The following PAPPA variants were observed in gnomAD, a reference collection of about 807,000 sequenced individuals.
The protein encoded by PAPPA is pappalysin 1, also known as pappalysin-1.
PAPPA carries 60 observed loss-of-function variants against 164.0 expected under a neutral mutation model. The ratio of observed to expected loss-of-function variants is 0.37; its 90% confidence interval spans 0.30 to 0.45. The LOEUF (loss-of-function observed/expected upper bound fraction) is 0.45. Ranked by LOEUF, PAPPA falls within the 20% of genes least tolerant of loss-of-function variation. PAPPA has a pLI of 1.00. For missense variants in PAPPA, 1,782 were observed against 2,087.3 expected (o/e 0.85, Z 2.85); for synonymous variants, 875 against 814.1 (o/e 1.07, Z -1.27).
intron 1 of PAPPA, among the ~76,000 whole-genome samples, chr9:116,167,441 T>G (rs557442818): frequency 6.6e-6 from 1 of 152,352 alleles, no homozygotes; most frequent in Admixed American, 6.5e-5. Flanking sequence ...AATCCACAGA[T>G]GCAGAGGCTA....
At chr9:116,181,815 G>T (rs191806303) in intron 1 of PAPPA, among the ~76,000 whole-genome samples, 6 of 152,264 alleles carry the variant, frequency 3.9e-5, no homozygotes, top group Non-Finnish European at 8.8e-5. Flanking sequence ...GGGTTCTAGC[G>T]AAGTGGGCTG....
intron 21 of PAPPA, among the ~76,000 whole-genome samples, chr9:116,395,024 A>C (rs1481312032): frequency 2.6e-5 from 4 of 152,184 alleles, no homozygotes; most frequent in Admixed American, 6.5e-5. Context: ...AAAGAGACAG[A>C]ATAATTGAGC....
At chr9:116,199,060 C>G (rs1307469298) in intron 2 of PAPPA, among the ~76,000 whole-genome samples, 1 of 152,144 alleles carries the variant, frequency 6.6e-6, no homozygotes, top group Non-Finnish European at 1.5e-5. Context: ...ACCGCAATTA[C>G]TTGTGCATCA....
At chr9:116,320,495 C>T (rs577119684) in intron 10 of PAPPA, among the ~76,000 whole-genome samples, 1 of 152,308 alleles carries the variant, frequency 6.6e-6, no homozygotes, top group East Asian at 1.9e-4. Context: ...CACTCTGGCC[C>T]TGCACACAGG....
intron 14 of PAPPA, 31 bp downstream of exon 14, chr9:116,344,742 C>T (rs1379131940): frequency 1.9e-6 from 3 of 1,594,408 alleles, no homozygotes; most frequent in African/African-American, 2.7e-5. Flanking sequence ...CAGAGCCTCT[C>T]TGCAGCCCAG....
At chr9:116,216,939 A>C (rs1844380634) in intron 4 of PAPPA, among the ~76,000 whole-genome samples, 1 of 151,806 alleles carries the variant, frequency 6.6e-6, no homozygotes, top group African/African-American at 2.4e-5. Flanking sequence ...ACAGGGTTTC[A>C]CCATGTTGGT....
chr9:116,154,552 C>T lies in PAPPA; in HGVS notation c.380C>T (p.Ala127Val). 1 of 1,404,514 alleles carries T rather than the reference C, an allele frequency of 7.1e-7. No individual in the cohort carries two copies. 87.0% of individuals were successfully genotyped at this position (1,404,514 alleles called of 1,614,324 possible). A position where few individuals can be genotyped will look rare whatever the true frequency, so the allele number is the denominator to read the frequency against. Residue 127 changes from alanine to valine, a missense_variant, in exon 1 of 22, where the codon GCG becomes GTG. By Grantham distance (64) the Ala-to-Val change is moderately conservative. This residue lies in a region of PAPPA where 458 missense variants were observed against 430.3 expected (regional missense o/e 1.06). Coordinates refer to ENST00000328252, the MANE Select transcript of PAPPA (RefSeq NM_002581.5). The surrounding 1 kb of genome is among the most constrained non-coding windows in gnomAD (Gnocchi z 5.2). The stretch of plus-strand genomic sequence containing the variant: ...TTCACGCTGCAAGTGTGGCTGCGAG[C>T]GGAGGGGGGCCAGAGGTCTCCGGCA... ...DAFTLQVWLRAEGGQRSPAVI... is the reference protein window; with the variant it reads ...DAFTLQVWLRVEGGQRSPAVI...
chr9:116,305,814 G>T (rs1234222930), intron 10 of PAPPA, among the ~76,000 whole-genome samples: 1 of 152,162 alleles, frequency 6.6e-6, no homozygotes. Context: ...GAAGTGGCTG[G>T]ATTCCTGGAA....
intron 4 of PAPPA, among the ~76,000 whole-genome samples, chr9:116,219,540 A>C (rs1844416294): frequency 6.6e-6 from 1 of 152,102 alleles, no homozygotes; most frequent in Non-Finnish European, 1.5e-5. Context: ...TGAATGAATG[A>C]GAGATATTGA....
intron 21 of PAPPA, among the ~76,000 whole-genome samples, chr9:116,391,333 C>T (rs950806702): frequency 5.3e-5 from 8 of 152,172 alleles, no homozygotes; most frequent in Non-Finnish European, 1.2e-4. Context: ...TCAGCACTGT[C>T]AAGACCCTAA....
At chr9:116,331,137 TG>T in intron 10 of PAPPA, 106 bp from the exon 11 acceptor site, 1 of 675,860 alleles carries the variant, frequency 1.5e-6, no homozygotes, top group Non-Finnish European at 2.6e-6. Context: ...TTTTTTCCTG[TG>T]GTGCCAAGAG....
rs1846696269 is a variant in PAPPA at position 116,379,333 on chromosome 9, TAAAG to T, written c.4677+1691_4677+1694del. ...CTTGAATATCCAGAGGTATCCAAGA[TAAAG>T]AAAGGGTTTGGGGACCCCTGAGCCC... is the stretch of plus-strand genomic sequence containing the variant. On this transcript the variant is annotated intron_variant, in intron 20 of 21. Coordinates refer to ENST00000328252, the MANE Select transcript of PAPPA (RefSeq NM_002581.5). Among the ~76,000 whole-genome samples, 7 of 152,178 alleles carry T rather than the reference TAAAG, an allele frequency of 4.6e-5. No homozygotes were observed. The South Asian group carries it at 1.4e-3, about 32-fold the overall frequency.
intron 9 of PAPPA, among the ~76,000 whole-genome samples, chr9:116,294,608 C>T (rs1415926023): frequency 1.3e-5 from 2 of 152,150 alleles, no homozygotes; most frequent in African/African-American, 4.8e-5. Flanking sequence ...CCTTTGTAAA[C>T]CTTCAGCAGG....
At chr9:116,377,737 C>A in intron 20 of PAPPA, 90 bp downstream of exon 20, 1 of 951,292 alleles carries the variant, frequency 1.1e-6, no homozygotes, top group Non-Finnish European at 1.7e-6. Flanking sequence ...CTATCCTTTG[C>A]CATACCTACT....
chr9:116,305,125 G>A (rs1845628088), intron 10 of PAPPA, among the ~76,000 whole-genome samples: 1 of 113,980 alleles, frequency 8.8e-6, no homozygotes, highest in Non-Finnish European at 1.7e-5. Context: ...ACAAGTACGT[G>A]GGCACACAGA....
intron 1 of PAPPA, among the ~76,000 whole-genome samples, chr9:116,171,157 G>A (rs1843771508): frequency 6.6e-6 from 1 of 152,114 alleles, no homozygotes; most frequent in Admixed American, 6.5e-5. Context: ...CCTTTCTTTG[G>A]GAAAGGGCAG....
In PAPPA at chr9:116,309,562, G is replaced by A. The variant is rs188631493; in HGVS notation, c.3147+6612G>A. On this transcript the variant is annotated intron_variant, in intron 10 of 21. Transcript: ENST00000328252. ...CAGTGTAGGAAGTGCTCAGAGAGGC[G>A]GACTGAGAGGAGGTCAGGGAGAAGT... Among the ~76,000 whole-genome samples the A allele has an allele frequency of 1.2e-3, 178 of 152,250 alleles. 3 individuals are homozygous for A. The highest frequency in any genetic ancestry group is 1.8e-3 in the Admixed American group (27 of 15,306).
chr9:116,329,038 T>G (rs1845956504), intron 10 of PAPPA, among the ~76,000 whole-genome samples: 1 of 152,206 alleles, frequency 6.6e-6, no homozygotes, highest in African/African-American at 2.4e-5. Flanking sequence ...TGTCTCATTA[T>G]TATAAAGAGA....
At chr9:116,372,249 A>C (rs1346552807) in intron 19 of PAPPA, among the ~76,000 whole-genome samples, 1 of 152,184 alleles carries the variant, frequency 6.6e-6, no homozygotes, top group Non-Finnish European at 1.5e-5. Flanking sequence ...TGGAAAACAC[A>C]GTTGTTGTTT....
Sources: gnomAD v4.1 joint callset for allele counts (sites outside exome capture counted in the v4.1 genomes callset) on GRCh38, gnomAD v4.1.1 for gene constraint, gnomAD v4.1.1 regional missense constraint, Gnocchi (gnomAD v3.1) non-coding constraint, MANE v1.5 for transcripts, NCBI Gene and HGNC (gene_info 2026-07-23, HGNC 2026-07-21) for gene names.